The following LRP1B variants were observed in gnomAD, a reference collection of about 807,000 sequenced individuals.
LRP1B encodes LDL receptor related protein 1B.
Under a neutral mutation model 556.6 loss-of-function variants are expected in LRP1B, and 217 were observed. The ratio of observed to expected loss-of-function variants is 0.39; its 90% CI spans 0.35 to 0.44. The LOEUF (loss-of-function observed/expected upper bound fraction) is 0.44. Among genes scored for constraint, LRP1B ranks in the 20% least tolerant of loss-of-function variants. The pLI is 1.00. For synonymous variants in LRP1B, 2,047 were observed against 1,865.8 expected (o/e 1.10, Z -2.50); for missense variants, 5,053 against 5,620.8 (o/e 0.90, Z 3.23).
intron 2 of LRP1B, among the ~76,000 whole-genome samples, chr2:141,523,983 T>C (rs564911318): frequency 6.6e-6 from 1 of 152,302 alleles, no homozygotes; most frequent in Non-Finnish European, 1.5e-5. Context: ...ATTTGTCTGA[T>C]AGAAGAGATT....
At chr2:140,907,834 T>C in intron 22 of LRP1B, 43 bp downstream of exon 22, 2 of 1,546,222 alleles carry the variant, frequency 1.3e-6, no homozygotes, top group Non-Finnish European at 1.8e-6. Flanking sequence ...ACTAAAAGGT[T>C]GTAGTTTTCA....
intron 1 of LRP1B, among the ~76,000 whole-genome samples, chr2:142,066,027 C>T (rs1705095343): frequency 6.6e-6 from 1 of 151,334 alleles, no homozygotes; most frequent in Non-Finnish European, 1.5e-5. Context: ...TATAGATATT[C>T]TGGTTCCAAA....
intron 2 of LRP1B, among the ~76,000 whole-genome samples, chr2:141,692,156 T>C (rs1691557517): frequency 6.6e-6 from 1 of 152,018 alleles, no homozygotes; most frequent in Admixed American, 6.6e-5. Context: ...TTGATTTTTC[T>C]ACAGAGTAAC....
chr2:141,530,396 C>T (rs1229886687), intron 2 of LRP1B, among the ~76,000 whole-genome samples: 1 of 152,008 alleles, frequency 6.6e-6, no homozygotes, highest in East Asian at 1.9e-4. Context: ...TTTCACCTAC[C>T]ACTGATTCTA....
chr2:140,886,999 A>G (rs1350192355), intron 23 of LRP1B, among the ~76,000 whole-genome samples: 2 of 152,190 alleles, frequency 1.3e-5, no homozygotes, highest in Non-Finnish European at 2.9e-5. Context: ...GCTTAAAAGA[A>G]TGTTTCAGTA....
At chr2:141,483,641 C>T (rs375879147) in intron 2 of LRP1B, among the ~76,000 whole-genome samples, 8,816 of 150,776 alleles carry the variant, frequency 0.058, 332 homozygotes, top group South Asian at 0.16. Context: ...CCTGACTTTT[C>T]AATGATTGCC....
At chr2:141,130,752 T>C (rs1701329698) in intron 7 of LRP1B, among the ~76,000 whole-genome samples, 1 of 152,142 alleles carries the variant, frequency 6.6e-6, no homozygotes, top group South Asian at 2.1e-4. Context: ...CTTTTTACAA[T>C]AGCAAAGACT....
chr2:141,339,973 C>T (rs942159784), intron 3 of LRP1B, among the ~76,000 whole-genome samples: 1 of 152,100 alleles, frequency 6.6e-6, no homozygotes, highest in Non-Finnish European at 1.5e-5. Context: ...GTCTCTCATT[C>T]TCCTCTATAT....
At chr2:141,768,501 G>C (rs947896409) in intron 2 of LRP1B, among the ~76,000 whole-genome samples, 2 of 151,920 alleles carry the variant, frequency 1.3e-5, no homozygotes, top group African/African-American at 4.8e-5. Context: ...ATTTTTATTA[G>C]TTGATTTCCC....
At chr2:142,003,925 T>G (rs888160912) in intron 1 of LRP1B, among the ~76,000 whole-genome samples, 6 of 152,228 alleles carry the variant, frequency 3.9e-5, no homozygotes, top group African/African-American at 1.4e-4. Context: ...TTGTGGAGCT[T>G]AGTTTCCTCT....
chr2:140,742,060 G>A (rs1688160868), intron 35 of LRP1B, among the ~76,000 whole-genome samples: 1 of 152,102 alleles, frequency 6.6e-6, no homozygotes, highest in Admixed American at 6.6e-5. Flanking sequence ...TTTGATCAAT[G>A]GCTCTAAAAT....
intron 3 of LRP1B, among the ~76,000 whole-genome samples, chr2:141,471,860 CA>C (rs1253270321): frequency 1.3e-5 from 2 of 152,150 alleles, no homozygotes; most frequent in Non-Finnish European, 2.9e-5. Context: ...GCCTCATACT[CA>C]TTATATTTTC....
intron 29 of LRP1B, among the ~76,000 whole-genome samples, chr2:140,848,851 T>C (rs1864279): frequency 0.54 from 82,125 of 151,948 alleles, 23,859 homozygotes; most frequent in Middle Eastern, 0.67. Context: ...AATTTAGAAC[T>C]CCACCATGAC....
chr2:140,367,196 G>T (rs1682801253), intron 71 of LRP1B, among the ~76,000 whole-genome samples: 1 of 151,782 alleles, frequency 6.6e-6, no homozygotes, highest in Non-Finnish European at 1.5e-5. Flanking sequence ...CTTGGTAACA[G>T]ATTTGAGAGA....
chr2:141,736,791 C>T lies in LRP1B; in HGVS notation c.205+73488G>A, dbSNP rs540313794. Among the ~76,000 whole-genome samples, 5 of 152,214 alleles carry T rather than the reference C, an allele frequency of 3.3e-5. No individual in the cohort carries two copies. In the East Asian group the frequency reaches 7.7e-4, roughly 24 times the overall value. ...AGGTTGGTAGCAGTTAAGGCATCTC[C>T]CTTCTTCAAAGGGGACTCATAAATT... On this transcript the variant is annotated intron_variant, in intron 2 of 90. Transcript: ENST00000389484.
At position 140,969,799 on chromosome 2, in the gene LRP1B, G is replaced by A. The variant is rs1340317392; in HGVS notation, c.2887+12361C>T. 2.0e-5 allele frequency among the ~76,000 whole-genome samples: 3 copies of A among 152,112 alleles called. No individual in the cohort carries two copies. The East Asian group carries it at 5.8e-4, about 29-fold the overall frequency. ...TCACTTATGAAGCTTAGTTTGGCTG[G>A]ATATGAAATCCTGGGTTGAAAATTC... On this transcript the variant is annotated intron_variant, in intron 18 of 90. Transcript: ENST00000389484.
chr2:140,538,778 C>T (rs1680025526), intron 45 of LRP1B, among the ~76,000 whole-genome samples: 2 of 151,942 alleles, frequency 1.3e-5, no homozygotes, highest in South Asian at 4.2e-4. Flanking sequence ...CTTATTTTTC[C>T]TATTTTAAGT....
intron 82 of LRP1B, among the ~76,000 whole-genome samples, chr2:140,316,245 T>A (rs1684515128): frequency 1.3e-5 from 2 of 152,156 alleles, no homozygotes; most frequent in Non-Finnish European, 2.9e-5. Flanking sequence ...ACTATAGTAA[T>A]GTCCATTTTA....
intron 3 of LRP1B, among the ~76,000 whole-genome samples, chr2:141,443,763 C>A (rs977924756): frequency 3.3e-5 from 5 of 151,998 alleles, no homozygotes; most frequent in Non-Finnish European, 5.9e-5. Flanking sequence ...ATTTCTGAGG[C>A]CACTGCTGTG....
Sources: gnomAD v4.1 joint callset for allele counts (sites outside exome capture counted in the v4.1 genomes callset) on GRCh38, gnomAD v4.1.1 for gene constraint, MANE v1.5 for transcripts, NCBI Gene and HGNC (gene_info 2026-07-23, HGNC 2026-07-21) for gene names.